The following SLC25A48 variants were observed in gnomAD, a reference collection of about 807,000 sequenced individuals.
SLC25A48 encodes the protein solute carrier family 25 member 48.
Under a neutral mutation model 32.2 loss-of-function variants are expected in SLC25A48, and 29 were observed. That is an observed-to-expected ratio of 0.90 (90% CI 0.67 to 1.23). SLC25A48 has a LOEUF of 1.23. SLC25A48 is among the 50% of genes most tolerant of loss of function. The pLI, the probability that SLC25A48 is intolerant of heterozygous loss-of-function variation, is 0.00. For synonymous variants in SLC25A48, 164 were observed against 172.3 expected (o/e 0.95, Z 0.38); for missense variants, 399 against 422.7 (o/e 0.94, Z 0.49).
At chr5:135,672,079 C>A (rs909429403) in intron 3 of SLC25A48, among the ~76,000 whole-genome samples, 4 of 152,104 alleles carry the variant, frequency 2.6e-5, no homozygotes, top group African/African-American at 4.8e-5. Context: ...CAAATGCTCC[C>A]AGGATTTGGG....
Position 135,700,371 on chromosome 5 carries a change from CAAAAAAAAAAAA to C in SLC25A48, c.-521+65426_-521+65437del, listed in dbSNP as rs34125451. Among the ~76,000 whole-genome samples the C allele has an allele frequency of 2.4e-4, 16 of 67,976 alleles. No homozygotes were observed. The East Asian group carries it at 7.2e-3, about 31-fold the overall frequency. The allele number at this position is 67,976 out of a possible 152,430, so 44.6% of individuals were successfully genotyped here. On this transcript the variant is annotated intron_variant, in intron 3 of 10. Coordinates refer to the SLC25A48 transcript ENST00000646290. ...TGGGTGACAGAGCAAGACTCTGTCT[CAAAAAAAAAAAA>C]AAAAAAAAAAGAAAGAAAGAAAAGA...
At chr5:135,605,781 A>G (rs1561755089) in intron 1 of SLC25A48, among the ~76,000 whole-genome samples, 1 of 152,158 alleles carries the variant, frequency 6.6e-6, no homozygotes, top group Non-Finnish European at 1.5e-5. Context: ...GAAAATGTTT[A>G]TTTATTACAG....
intron 3 of SLC25A48, among the ~76,000 whole-genome samples, chr5:135,787,919 G>A (rs79932787): frequency 2.0e-5 from 3 of 151,808 alleles, no homozygotes; most frequent in Non-Finnish European, 2.9e-5. Flanking sequence ...CTTGGGGGAT[G>A]TTACTCCTAA....
intron 7 of SLC25A48, among the ~76,000 whole-genome samples, chr5:135,881,405 G>A (rs1033860962): frequency 1.4e-4 from 21 of 152,242 alleles, no homozygotes; most frequent in African/African-American, 5.1e-4. Context: ...GACCAATCAG[G>A]CAGACTGTAG....
At chr5:135,858,159 A>G (rs1415235989) in intron 4 of SLC25A48, among the ~76,000 whole-genome samples, 3 of 152,220 alleles carry the variant, frequency 2.0e-5, no homozygotes, top group Non-Finnish European at 2.9e-5. Flanking sequence ...GCAGCAACAG[A>G]AAATGAACAT....
intron 4 of SLC25A48, among the ~76,000 whole-genome samples, chr5:135,862,998 G>A (rs893618748): frequency 9.9e-5 from 15 of 152,200 alleles, no homozygotes; most frequent in African/African-American, 3.4e-4. Context: ...GGGCAGAAGA[G>A]TGGTGGGAAT....
intron 1 of SLC25A48, among the ~76,000 whole-genome samples, chr5:135,593,184 C>T (rs1191022194): frequency 6.6e-6 from 1 of 152,138 alleles, no homozygotes; most frequent in Non-Finnish European, 1.5e-5. Flanking sequence ...ATTGACCAGT[C>T]CCTCATTTCT....
intron 3 of SLC25A48, among the ~76,000 whole-genome samples, chr5:135,746,622 G>A (rs1755648837): frequency 6.6e-6 from 1 of 152,096 alleles, no homozygotes; most frequent in African/African-American, 2.4e-5. Flanking sequence ...TCCTTTTCAG[G>A]GATTTCCTAT....
At chr5:135,586,985 G>A (rs1400864611) in intron 1 of SLC25A48, among the ~76,000 whole-genome samples, 1 of 152,152 alleles carries the variant, frequency 6.6e-6, no homozygotes. Context: ...AGAAACCTTG[G>A]TTCAGGGAAG....
At chr5:135,618,746 G>A (rs1752248516) in intron 1 of SLC25A48, among the ~76,000 whole-genome samples, 1 of 151,998 alleles carries the variant, frequency 6.6e-6, no homozygotes, top group Non-Finnish European at 1.5e-5. Context: ...CTTCATTTAT[G>A]AAGGAAAATT....
intron 3 of SLC25A48, among the ~76,000 whole-genome samples, chr5:135,707,876 C>A (rs1754558754): frequency 6.6e-6 from 1 of 152,160 alleles, no homozygotes; most frequent in African/African-American, 2.4e-5. Context: ...GACTCTGGTG[C>A]CTGGCATGGA....
chr5:135,622,817 T>G (rs1210128729), intron 1 of SLC25A48, among the ~76,000 whole-genome samples: 1 of 152,184 alleles, frequency 6.6e-6, no homozygotes, highest in Non-Finnish European at 1.5e-5. Flanking sequence ...GGCCAAGAGA[T>G]TCTGAAATAA....
chr5:135,886,299 C>A (rs1408062277), intron 7 of SLC25A48, among the ~76,000 whole-genome samples: 2 of 142,044 alleles, frequency 1.4e-5, no homozygotes, highest in Non-Finnish European at 3.1e-5. Flanking sequence ...CCCTGCCACA[C>A]CCCCTCCCCC....
intron 3 of SLC25A48, among the ~76,000 whole-genome samples, chr5:135,705,707 T>G (rs561301400): frequency 5.3e-4 from 80 of 152,290 alleles, no homozygotes; most frequent in African/African-American, 1.9e-3. Context: ...TTAAAAACAG[T>G]GCAAGTTTGA....
intron 3 of SLC25A48, among the ~76,000 whole-genome samples, chr5:135,769,626 A>G (rs1756348260): frequency 6.6e-6 from 1 of 151,724 alleles, no homozygotes. Flanking sequence ...ATTGTTCATA[A>G]TATCCAGTTG....
At chr5:135,589,986 G>GA (rs1751473025) in intron 1 of SLC25A48, among the ~76,000 whole-genome samples, 1 of 152,200 alleles carries the variant, frequency 6.6e-6, no homozygotes, top group African/African-American at 2.4e-5. Flanking sequence ...ATAAGCCACA[G>GA]TGCCTGAAGA....
chr5:135,855,538 C>T (rs1760242698), intron 4 of SLC25A48, among the ~76,000 whole-genome samples: 1 of 152,224 alleles, frequency 6.6e-6, no homozygotes, highest in African/African-American at 2.4e-5. Flanking sequence ...CGATTAGCCA[C>T]TGGTGAGTGA....
chr5:135,818,054 C>CTCTCTCTCTCT (rs1757773517), intron 4 of SLC25A48, among the ~76,000 whole-genome samples: 18 of 80,668 alleles, frequency 2.2e-4, no homozygotes, highest in African/African-American at 8.8e-4. Flanking sequence ...TCTCTCTGTT[C>CTCTCTCTCTCT]CTCTCTCTCT....
intron 1 of SLC25A48, among the ~76,000 whole-genome samples, chr5:135,592,293 G>A (rs1477626278): frequency 6.6e-6 from 1 of 152,220 alleles, no homozygotes; most frequent in African/African-American, 2.4e-5. Flanking sequence ...CATCAGGGAG[G>A]CGTGATGAAG....
Sources: gnomAD v4.1 joint callset for allele counts (sites outside exome capture counted in the v4.1 genomes callset) on GRCh38, gnomAD v4.1.1 for gene constraint, MANE v1.5 for transcripts, NCBI Gene and HGNC (gene_info 2026-07-23, HGNC 2026-07-21) for gene names.